The following MRC2 variants were observed in gnomAD, a reference collection of about 807,000 sequenced individuals.
MRC2 encodes mannose receptor C-type 2, also known as C-type mannose receptor 2.
A neutral mutation model predicts 206.2 loss-of-function variants in MRC2; 84 were observed. The ratio of observed to expected loss-of-function variants is 0.41; its 90% CI spans 0.34 to 0.49. The LOEUF (loss-of-function observed/expected upper bound fraction) is 0.49, where lower values mean the gene tolerates loss of function less well. Among genes scored for constraint, MRC2 ranks in the 20% least tolerant of loss-of-function variants. The pLI is 0.31. For missense variants in MRC2, 1,676 were observed against 2,001.5 expected (o/e 0.84, Z 3.10); for synonymous variants, 798 against 800.0 (o/e 1.00, Z 0.04).
rs1360547031 is a variant in MRC2, at chr17:62,675,291, C to A, written c.1570-499C>A. Among the ~76,000 whole-genome samples the A allele has an allele frequency of 1.3e-5, 2 of 152,312 alleles. No homozygotes were observed. Among genetic ancestry groups the A allele is most frequent in the African/African-American group, 2.4e-5 (1 of 41,562 alleles). On this transcript the variant is annotated intron_variant, in intron 9 of 29. Coordinates refer to ENST00000303375, the MANE Select transcript of MRC2 (RefSeq NM_006039.5). This position sits in a 1 kb window ranked among gnomAD's most constrained non-coding sequence, Gnocchi z 4.1. ...GCTTCTCTTCTGCCTTGGCTCCTGC[C>A]AGCCTCGCCTGCCAGGGTCTCGTCT...
At chr17:62,651,914 A>G (rs2088560372) in intron 1 of MRC2, among the ~76,000 whole-genome samples, 1 of 152,214 alleles carries the variant, frequency 6.6e-6, no homozygotes, top group African/African-American at 2.4e-5. Flanking sequence ...GGAACTAATC[A>G]TTCTGGTTGA....
At chr17:62,632,925 C>T (rs1441995858) in intron 1 of MRC2, among the ~76,000 whole-genome samples, 6 of 152,158 alleles carry the variant, frequency 3.9e-5, no homozygotes, top group African/African-American at 1.4e-4. Context: ...GTAGATGAGG[C>T]AGGAGTGTGG....
At chr17:62,676,250 C>T (rs2088890134) in intron 10 of MRC2, 133 bp from the exon 11 acceptor site, 1 of 1,124,102 alleles carries the variant, frequency 8.9e-7, no homozygotes, top group African/African-American at 1.6e-5. Context: ...GCAGGGCTCC[C>T]AGGCGTCCCT....
chr17:62,669,657 A>G (rs1031808099), intron 6 of MRC2, among the ~76,000 whole-genome samples: 7 of 152,022 alleles, frequency 4.6e-5, no homozygotes, highest in African/African-American at 1.7e-4. Context: ...GGTTCAAGCG[A>G]TTCTCATGCT....
intron 1 of MRC2, among the ~76,000 whole-genome samples, chr17:62,646,603 C>A (rs1464007453): frequency 6.6e-6 from 1 of 152,202 alleles, no homozygotes; most frequent in African/African-American, 2.4e-5. Flanking sequence ...TCTGAAGGCA[C>A]CCACTTCTTT....
In MRC2 at chr17:62,667,974, T is replaced by C. The variant is rs1568062177; in HGVS notation, c.1117+441T>C. On this transcript the variant is annotated intron_variant, in intron 6 of 29. Coordinates refer to ENST00000303375, the MANE Select transcript of MRC2 (RefSeq NM_006039.5). This position sits in a 1 kb window ranked among gnomAD's most constrained non-coding sequence, Gnocchi z 4.1. Reference sequence around the variant, plus strand: ...AAATTGAGTCTAAGTTTAAAAGATATAAAGAGGTGTGGGGGAAGGGCATTC... The same window carrying C: ...AAATTGAGTCTAAGTTTAAAAGATACAAAGAGGTGTGGGGGAAGGGCATTC... 1.3e-5 allele frequency among the ~76,000 whole-genome samples: 2 copies of C among 152,054 alleles called. No homozygotes were observed. Among genetic ancestry groups the C allele is most frequent in the Non-Finnish European group, 2.9e-5 (2 of 68,012 alleles).
Position 62,680,783 on chromosome 17 carries a change from C to T in MRC2, c.2474-17C>T. The T allele has an allele frequency of 6.3e-7, 1 of 1,591,876 alleles. No individual in the cohort carries two copies. Among genetic ancestry groups the T allele is most frequent in the East Asian group, 2.3e-5 (1 of 44,380 alleles). On this transcript the variant is annotated splice_polypyrimidine_tract_variant and intron_variant, in intron 16 of 29. Transcript: ENST00000303375. This position sits in a 1 kb window ranked among gnomAD's most constrained non-coding sequence, Gnocchi z 4.8. ...CTCTGCCTGGCCGCCGCTCCCACGC[C>T]CGCGCTGCTCCTGCAGGCCGACGGG...
At chr17:62,647,186 CT>C (rs34733419) in intron 1 of MRC2, among the ~76,000 whole-genome samples, 106 of 136,312 alleles carry the variant, frequency 7.8e-4, no homozygotes, top group Middle Eastern at 3.9e-3. Context: ...TTTTCTTTTT[CT>C]TTTTTTTTTT....
chr17:62,628,309 G>T (rs1478249436), intron 1 of MRC2, among the ~76,000 whole-genome samples: 1 of 152,156 alleles, frequency 6.6e-6, no homozygotes, highest in African/African-American at 2.4e-5. Flanking sequence ...AGGGCTCTCT[G>T]TCCGGGAGTT....
At chr17:62,639,469 A>G (rs528501791) in intron 1 of MRC2, among the ~76,000 whole-genome samples, 14 of 152,368 alleles carry the variant, frequency 9.2e-5, no homozygotes, top group African/African-American at 2.9e-4. Flanking sequence ...AAGCCAATAT[A>G]TCTGACTGGG....
In MRC2 at chr17:62,672,216, C is replaced by T. The variant is rs2088835090; in HGVS notation, c.1461+64C>T. On this transcript the variant is annotated intron_variant, in intron 8 of 29. Transcript: ENST00000303375. The surrounding 1 kb of genome is among the most constrained non-coding windows in gnomAD (Gnocchi z 4.5). ...CACCCCCAACCTCCAGGTGCCACCC[C>T]AGCTGAAGGACATCCTAGTTACTAT... 2 of 1,592,046 alleles carry T rather than the reference C, an allele frequency of 1.3e-6. No individual in the cohort carries two copies. The highest frequency in any genetic ancestry group is 1.7e-6 in the Non-Finnish European group (2 of 1,162,272).
At chr17:62,645,525 ATATTTTTT>A (rs1279634462) in intron 1 of MRC2, among the ~76,000 whole-genome samples, 193 of 38,436 alleles carry the variant, frequency 5.0e-3, no homozygotes, top group South Asian at 0.013. Context: ...ATATATATAT[ATATTTTTT>A]TTTTTTTTTT....
Position 62,672,221 on chromosome 17 carries a change from G to A in MRC2, c.1461+69G>A, listed in dbSNP as rs564223060. On this transcript the variant is annotated intron_variant, in intron 8 of 29. Transcript: ENST00000303375. This position sits in a 1 kb window ranked among gnomAD's most constrained non-coding sequence, Gnocchi z 4.5. ...CCAACCTCCAGGTGCCACCCCAGCT[G>A]AAGGACATCCTAGTTACTATCAGAA... 1.9e-6 allele frequency: 3 copies of A among 1,584,370 alleles called. No individual in the cohort carries two copies. The African/African-American group carries it at 4.0e-5, about 21-fold the overall frequency.
intron 1 of MRC2, among the ~76,000 whole-genome samples, chr17:62,657,126 C>G (rs1354353585): frequency 6.6e-6 from 1 of 152,094 alleles, no homozygotes; most frequent in East Asian, 1.9e-4. Flanking sequence ...CAGAGGTACA[C>G]AATACAAGGA....
At chr17:62,679,527 C>T in intron 13 of MRC2, 1 of 293,048 alleles carries the variant, frequency 3.4e-6, no homozygotes, top group Non-Finnish European at 6.4e-6. Flanking sequence ...CTGGACAGGG[C>T]ACCCCCACCC....
At chr17:62,683,451 A>G (rs2147485975) in intron 20 of MRC2, among the ~76,000 whole-genome samples, 1 of 151,716 alleles carries the variant, frequency 6.6e-6, no homozygotes, top group East Asian at 1.9e-4. Context: ...CTGGGCAACA[A>G]AAGCGAAACT....
At chr17:62,658,993 T>G (rs1227768162) in intron 1 of MRC2, among the ~76,000 whole-genome samples, 2 of 152,176 alleles carry the variant, frequency 1.3e-5, no homozygotes, top group Non-Finnish European at 2.9e-5. Context: ...TTGTAAACAA[T>G]AGAAATGTAT....
intron 20 of MRC2, chr17:62,684,121 T>A (rs2147486984): frequency 6.6e-6 from 1 of 152,328 alleles, no homozygotes; most frequent in South Asian, 2.1e-4. Context: ...AGTCTGACAC[T>A]TTATGACTCA....
In MRC2 at chr17:62,693,076, G is replaced by T; in HGVS notation, c.*625G>T. The T allele has an allele frequency of 6.5e-6, 1 of 153,522 alleles. No homozygotes were observed. Among genetic ancestry groups the T allele is most frequent in the South Asian group, 2.1e-4 (1 of 4,864 alleles). 9.5% of individuals were successfully genotyped at this position (153,522 alleles called of 1,614,324 possible). On this transcript the variant is annotated 3_prime_UTR_variant, in exon 30 of 30. Coordinates refer to ENST00000303375, the MANE Select transcript of MRC2 (RefSeq NM_006039.5). The stretch of plus-strand genomic sequence containing the variant: ...GGAGGGGCCTAGGTGGGTTGGGCCT[G>T]AGAACCAGGGCACGGGTGTGGTGTC...
Sources: allele counts gnomAD v4.1 joint callset (sites outside exome capture counted in the v4.1 genomes callset), GRCh38; gene constraint gnomAD v4.1.1; non-coding constraint Gnocchi (gnomAD v3.1); transcripts MANE v1.5; gene names NCBI Gene and HGNC (gene_info 2026-07-23, HGNC 2026-07-21).